KRT18: variants seen among roughly 807,000 people sequenced by gnomAD.
KRT18 encodes the protein keratin 18.
KRT18 carries 8 observed loss-of-function variants against 39.9 expected under a neutral mutation model. The observed-to-expected ratio is 0.20, with a 90% CI of 0.12 to 0.36. The LOEUF (loss-of-function observed/expected upper bound fraction) is 0.36, where lower values mean the gene tolerates loss of function less well. Ranked by LOEUF, KRT18 falls within the 10% of genes least tolerant of loss-of-function variation. The pLI is 1.00. For synonymous variants in KRT18, 194 were observed against 227.8 expected (o/e 0.85, Z 1.33); for missense variants, 396 against 565.7 (o/e 0.70, Z 3.04).
chr12:52,951,882 A>G, intron 5 of KRT18, 26 bp downstream of exon 5: 2 of 1,603,836 alleles, frequency 1.2e-6, no homozygotes, highest in Non-Finnish European at 1.7e-6. Flanking sequence ...TCACCTGCCC[A>G]GCTCCTCCTT....
Position 52,950,843 on chromosome 12 carries a change from G to A in KRT18, c.594G>A (p.Gln198=). 2.5e-6 allele frequency: 4 copies of A among 1,607,696 alleles called. No homozygotes were observed. The highest frequency in any genetic ancestry group is 3.4e-6 in the Non-Finnish European group (4 of 1,177,826). Reference sequence around the variant, plus strand: ...ATGACACCAATATCACACGACTGCAGCTGGAGACAGAGATCGAGGCTCTCA... The same window carrying A: ...ATGACACCAATATCACACGACTGCAACTGGAGACAGAGATCGAGGCTCTCA... The part of the protein sequence containing the change: ...VIDDTNITRL[Q]LETEIEALKE... The change falls in exon 3 of 7, where the codon CAG becomes CAA. Residue 198 remains glutamine, a synonymous_variant. Coordinates refer to ENST00000388835, the MANE Select transcript of KRT18 (RefSeq NM_000224.3).
At chr12:52,952,645 C>T in intron 6 of KRT18, 77 bp from the exon 7 acceptor site, 4 of 1,533,100 alleles carry the variant, frequency 2.6e-6, no homozygotes, top group Non-Finnish European at 3.6e-6. Flanking sequence ...GGTCAGGAGG[C>T]TTTTTCCCTC....
intron 1 of KRT18, 177 bp downstream of exon 1, chr12:52,949,767 G>T (rs751527584): frequency 9.7e-6 from 7 of 719,728 alleles, no homozygotes; most frequent in Admixed American, 4.0e-5. Context: ...CAGCAGCTAG[G>T]CATGGGAGGG....
chr12:52,950,649 C>T, intron 2 of KRT18, 101 bp from the exon 3 acceptor site: 1 of 1,264,444 alleles, frequency 7.9e-7, no homozygotes, highest in Non-Finnish European at 1.1e-6. Context: ...ACTCAAGTTG[C>T]TGGTTTGCAA....
intron 5 of KRT18, 66 bp downstream of exon 5, chr12:52,951,922 A>T: frequency 6.3e-7 from 1 of 1,588,152 alleles, no homozygotes; most frequent in South Asian, 1.1e-5. Flanking sequence ...CCCTGTCTCA[A>T]CCCAAATCCT....
rs1221166270 is a variant in KRT18, at chr12:52,949,143, G to C, written c.-31G>C. The C allele has an allele frequency of 1.2e-6, 2 of 1,601,074 alleles. No individual in the cohort carries two copies. The highest frequency in any genetic ancestry group is 1.7e-6 in the Non-Finnish European group (2 of 1,170,558). ...GCCGCCACCGTCGTCCGCAAAGCCTGAGTCCTGTCCTTTCTCTCTCCCCGG... is the reference window on the plus strand; with the variant it reads ...GCCGCCACCGTCGTCCGCAAAGCCTCAGTCCTGTCCTTTCTCTCTCCCCGG... On this transcript the variant is annotated 5_prime_UTR_variant, in exon 1 of 7. Transcript: ENST00000388835.
intron 3 of KRT18, among the ~76,000 whole-genome samples, chr12:52,951,192 C>A (rs1942481371): frequency 6.6e-6 from 1 of 152,100 alleles, no homozygotes; most frequent in East Asian, 1.9e-4. Context: ...GGAATGACAG[C>A]AGATGGAGTT....
chr12:52,952,261 A>G lies in KRT18; in HGVS notation c.1091A>G (p.Glu364Gly). 6.2e-7 allele frequency: 1 copy of G among 1,607,342 alleles called. No individual in the cohort carries two copies. The highest frequency in any genetic ancestry group is 8.5e-7 in the Non-Finnish European group (1 of 1,177,748). Residue 364 changes from glutamate (E) to glycine (G), a missense_variant, in exon 6 of 7, where the codon GAG (glutamate) becomes GGG (glycine). Glu to Gly is a moderately conservative substitution (Grantham distance 98). Transcript: ENST00000388835. ...GGACAGCGCCAGGCCCAGGAGTATG[A>G]GGCCCTGCTGAACATCAAGGTCAAG... ...AEGQRQAQEY[E>G]ALLNIKVKLE...
At chr12:52,950,524 G>A in intron 2 of KRT18, 114 bp downstream of exon 2, 1 of 862,400 alleles carries the variant, frequency 1.2e-6, no homozygotes, top group East Asian at 2.4e-5. Flanking sequence ...GTGGGTGGAT[G>A]AGAGTCAGGG....
chr12:52,950,679 A>T (rs919941648), intron 2 of KRT18, 71 bp from the exon 3 acceptor site: 8 of 1,499,716 alleles, frequency 5.3e-6, no homozygotes, highest in Non-Finnish European at 7.3e-6. Context: ...AACTTCTCTT[A>T]GTAGGTGGCA....
At chr12:52,950,123 A>G (rs986988653) in intron 1 of KRT18, 1 of 684,182 alleles carries the variant, frequency 1.5e-6, no homozygotes, top group Non-Finnish European at 2.6e-6. Context: ...GCTTCCCAAG[A>G]GGGGCAGAGT....
chr12:52,951,506 T>C lies in KRT18; in HGVS notation c.683T>C (p.Ile228Thr), dbSNP rs764298430. 2 of 1,614,040 alleles carry C rather than the reference T, an allele frequency of 1.2e-6. No homozygotes were observed. Among genetic ancestry groups the C allele is most frequent in the East Asian group, 2.2e-5 (1 of 44,878 alleles). Residue 228 changes from isoleucine (I) to threonine (T), a missense_variant, in exon 4 of 7, where the codon ATT becomes ACT. Physicochemically the swap from Ile to Thr is moderately conservative, Grantham distance 89. Transcript: ENST00000388835. ...EEEVKGLQAQ[I>T]ASSGLTVEVD... Reference sequence around the variant, plus strand: ...GAAGTAAAAGGCCTACAAGCCCAGATTGCCAGCTCTGGGTTGACCGTGGAG... The same window carrying C: ...GAAGTAAAAGGCCTACAAGCCCAGACTGCCAGCTCTGGGTTGACCGTGGAG...
chr12:52,951,916 G>A, intron 5 of KRT18, 60 bp downstream of exon 5: 3 of 1,595,922 alleles, frequency 1.9e-6, no homozygotes, highest in Non-Finnish European at 1.7e-6. Flanking sequence ...ACCCAACCCT[G>A]TCTCAACCCA....
chr12:52,951,962 A>G, intron 5 of KRT18, 106 bp downstream of exon 5: 1 of 1,448,912 alleles, frequency 6.9e-7, no homozygotes, highest in South Asian at 1.2e-5. Flanking sequence ...CCTTTAGCTC[A>G]GAAAGAGTCA....
Position 52,952,707 on chromosome 12 carries a change from G to C in KRT18, c.1173-15G>C. 1.2e-6 allele frequency: 2 copies of C among 1,611,656 alleles called. No individual in the cohort carries two copies. Among genetic ancestry groups the C allele is most frequent in the South Asian group, 2.2e-5 (2 of 90,982 alleles). ...ACGGGGCTGTTTATAACTTGGGCTT[G>C]GTCTTCTGTTACAGTCTTGGTGATG... On this transcript the variant is annotated splice_polypyrimidine_tract_variant and intron_variant, in intron 6 of 6. Transcript: ENST00000388835.
chr12:52,949,906 T>C (rs1942449413), intron 1 of KRT18: 1 of 666,028 alleles, frequency 1.5e-6, no homozygotes, highest in East Asian at 2.7e-5. Context: ...ATGGGGACTA[T>C]TGGAGGGTTA....
In KRT18 at chr12:52,952,825, A is replaced by G. The variant is rs1331038097; in HGVS notation, c.1276A>G (p.Lys426Glu). 20 of 1,610,186 alleles carry G rather than the reference A, an allele frequency of 1.2e-5. No homozygotes were observed. Among genetic ancestry groups the G allele is most frequent in the Admixed American group, 1.7e-5 (1 of 60,016 alleles). Residue 426 changes from lysine to glutamate, a missense_variant, in exon 7 of 7, where the codon AAA becomes GAA. Transcript: ENST00000388835. ...GKVVSETNDT[K>E]VLRH Reference sequence around the variant, plus strand: ...AGTGGTGTCTGAGACCAATGACACCAAAGTTCTGAGGCATTAAGCCAGCAG... The same window carrying G: ...AGTGGTGTCTGAGACCAATGACACCGAAGTTCTGAGGCATTAAGCCAGCAG...
chr12:52,952,682 A>T, intron 6 of KRT18, 40 bp from the exon 7 acceptor site: 5 of 1,607,752 alleles, frequency 3.1e-6, no homozygotes, highest in Non-Finnish European at 1.7e-6. Context: ...CTTCTACTCC[A>T]CGGGGCTGTT....
At chr12:52,950,629 C>A in intron 2 of KRT18, 121 bp from the exon 3 acceptor site, 1 of 1,027,800 alleles carries the variant, frequency 9.7e-7, no homozygotes, top group Non-Finnish European at 1.5e-6. Context: ...GGATTACCAC[C>A]TAATTGCTGA....
Sources: allele counts gnomAD v4.1 joint callset (sites outside exome capture counted in the v4.1 genomes callset), GRCh38; gene constraint gnomAD v4.1.1; transcripts MANE v1.5; gene names NCBI Gene and HGNC (gene_info 2026-07-23, HGNC 2026-07-21).